The following IL19 variants were observed in gnomAD, a reference collection of about 807,000 sequenced individuals.
IL19 encodes interleukin 19.
In IL19, 15 loss-of-function variants were observed where a neutral mutation model predicts 19.5. The observed-to-expected ratio is 0.77, with a 90% CI of 0.52 to 1.19. The LOEUF is 1.19. Among genes scored for constraint, IL19 ranks in the 50% most tolerant of loss-of-function variants. IL19 has a pLI of 0.00. For synonymous variants in IL19, 78 were observed against 78.3 expected (o/e 1.00, Z 0.02); for missense variants, 199 against 213.1 (o/e 0.93, Z 0.41).
At chr1:206,812,325 A>C (rs1326157252) in intron 2 of IL19, among the ~76,000 whole-genome samples, 2 of 152,228 alleles carry the variant, frequency 1.3e-5, no homozygotes, top group East Asian at 3.9e-4. Context: ...GTTGGTTTGG[A>C]GTCTTGGTTC....
Position 206,826,645 on chromosome 1 carries a change from A to C in IL19, c.-2-10016A>C, listed in dbSNP as rs930429068. Among the ~76,000 whole-genome samples the C allele has an allele frequency of 2.0e-5, 3 of 152,310 alleles. No individual in the cohort carries two copies. The East Asian group carries it at 5.8e-4, about 29-fold the overall frequency. On this transcript the variant is annotated intron_variant, in intron 2 of 6. Transcript: ENST00000659997. ...CCTCCCCAGGAACTCCCTGGCTCCC[A>C]GTACCCATGGGAGAAGCTCTTTTCA...
intron 1 of IL19, among the ~76,000 whole-genome samples, chr1:206,776,808 G>C (rs1326081533): frequency 1.3e-5 from 2 of 150,764 alleles, no homozygotes; most frequent in South Asian, 2.1e-4. Flanking sequence ...GACAATGATC[G>C]GGACATAAAC....
chr1:206,840,731 A>G (rs1676985238), intron 5 of IL19: 1 of 435,946 alleles, frequency 2.3e-6, no homozygotes, highest in Admixed American at 3.6e-5. Flanking sequence ...GGGATGCAGC[A>G]CTCAGAGTGG....
In IL19 at chr1:206,799,145, G is replaced by T. The variant is rs896262864; in HGVS notation, c.-3+139G>T. On this transcript the variant is annotated intron_variant, in intron 2 of 6. Transcript: ENST00000659997. ...CAGGACTGCCTTTGTCTGTCATAAA[G>T]TTCCTTATTGCCAGACTGCTGGCCA... 7.3e-6 allele frequency: 5 copies of T among 681,704 alleles called. No homozygotes were observed. In the African/African-American group the frequency reaches 9.1e-5, roughly 12 times the overall value. The allele number at this position is 681,704 out of a possible 1,614,324, so 42.2% of individuals were successfully genotyped here.
chr1:206,803,198 T>G (rs1403012725), intron 2 of IL19, among the ~76,000 whole-genome samples: 1 of 152,192 alleles, frequency 6.6e-6, no homozygotes, highest in Non-Finnish European at 1.5e-5. Flanking sequence ...GGGCCTTGGC[T>G]TCTGTAATGC....
chr1:206,792,658 T>C (rs551922976), intron 1 of IL19, among the ~76,000 whole-genome samples: 187 of 152,308 alleles, frequency 1.2e-3, no homozygotes, highest in Non-Finnish European at 2.0e-3. Context: ...GGTTTCACCA[T>C]GTTGGCCAGG....
chr1:206,798,786 G>A lies in IL19; in HGVS notation c.-148-75G>A, dbSNP rs115311781. ...AGGTTGCCGTGTGTGCACTTTTGCC[G>A]ACCTCAAAGCCACCAGAAGGAGGGA... On this transcript the variant is annotated intron_variant, in intron 1 of 6. Coordinates refer to ENST00000659997, the MANE Select transcript of IL19 (RefSeq NM_153758.5). 6.2e-4 allele frequency: 472 copies of A among 762,736 alleles called. 1 individual carries two copies. Among genetic ancestry groups the A allele is most frequent in the African/African-American group, 6.0e-3 (347 of 57,390 alleles). The allele number at this position is 762,736 out of a possible 1,614,324, so 47.2% of individuals were successfully genotyped here. A position where few individuals can be genotyped will look rare whatever the true frequency, so the allele number is the denominator to read the frequency against.
Position 206,835,137 on chromosome 1 carries a change from C to A in IL19, c.-2-1524C>A, listed in dbSNP as rs183408928. Among the ~76,000 whole-genome samples, 6 of 152,306 alleles carry A rather than the reference C, an allele frequency of 3.9e-5. No homozygotes were observed. In the East Asian group the frequency reaches 1.2e-3, roughly 29 times the overall value. On this transcript the variant is annotated intron_variant, in intron 2 of 6. Transcript: ENST00000659997. ...AGACATCTTTCTCCTCCACAAAATG[C>A]GCAAGTCTCCTGGCATGGGATGAGC...
At chr1:206,821,626 T>C (rs1371377232) in intron 2 of IL19, among the ~76,000 whole-genome samples, 1 of 152,234 alleles carries the variant, frequency 6.6e-6, no homozygotes, top group Non-Finnish European at 1.5e-5. Flanking sequence ...GCTCAGTCCC[T>C]GCTCTAGCAC....
chr1:206,809,909 A>G (rs376568191), intron 2 of IL19, among the ~76,000 whole-genome samples: 3 of 152,356 alleles, frequency 2.0e-5, no homozygotes, highest in South Asian at 4.1e-4. Flanking sequence ...GGAATCAACC[A>G]TCCCAACCAC....
intron 2 of IL19, among the ~76,000 whole-genome samples, chr1:206,803,741 G>T (rs1055013326): frequency 2.6e-5 from 4 of 152,176 alleles, no homozygotes; most frequent in Admixed American, 1.3e-4. Context: ...CAGGAATGGG[G>T]TGACCTAGTC....
At chr1:206,839,825 G>A (rs1485369410) in intron 4 of IL19, 25 bp from the exon 5 acceptor site, 2 of 1,593,784 alleles carry the variant, frequency 1.3e-6, no homozygotes, top group South Asian at 1.1e-5. Flanking sequence ...GAGGCCTCTA[G>A]TGTTTCCCTA....
At chr1:206,791,763 TC>T (rs2102454799) in intron 1 of IL19, among the ~76,000 whole-genome samples, 1 of 152,208 alleles carries the variant, frequency 6.6e-6, no homozygotes, top group East Asian at 1.9e-4. Flanking sequence ...TCCTTTCTCC[TC>T]CCCCTGTAAA....
intron 1 of IL19, among the ~76,000 whole-genome samples, chr1:206,794,797 T>G (rs1376989744): frequency 6.6e-6 from 1 of 152,208 alleles, no homozygotes; most frequent in Non-Finnish European, 1.5e-5. Flanking sequence ...TTTTGTGACC[T>G]GTACCAAGCC....
intron 1 of IL19, among the ~76,000 whole-genome samples, chr1:206,792,747 G>A (rs1558609319): frequency 6.6e-6 from 1 of 151,884 alleles, no homozygotes; most frequent in Non-Finnish European, 1.5e-5. Context: ...GAGCCACTAT[G>A]CCTGGCTAGA....
At chr1:206,837,266 AG>A (rs999059854) in intron 4 of IL19, among the ~76,000 whole-genome samples, 16 of 152,114 alleles carry the variant, frequency 1.1e-4, no homozygotes, top group African/African-American at 3.9e-4. Context: ...AGGTGCTCAG[AG>A]GGGACAGGAT....
At chr1:206,840,076 A>T (rs1231777829) in intron 5 of IL19, 74 bp downstream of exon 5, 2 of 1,518,644 alleles carry the variant, frequency 1.3e-6, no homozygotes, top group Non-Finnish European at 1.8e-6. Context: ...GCTGGCCCCC[A>T]TCGGCCTCCT....
intron 1 of IL19, among the ~76,000 whole-genome samples, chr1:206,776,390 T>C (rs181675940): frequency 7.9e-4 from 121 of 152,230 alleles, no homozygotes; most frequent in East Asian, 2.5e-3. Flanking sequence ...TTCATCACTT[T>C]AGCTGCAGAG....
rs1676685066 is a variant in IL19, at chr1:206,833,658, A to G, written c.-2-3003A>G. On this transcript the variant is annotated intron_variant, in intron 2 of 6. Coordinates refer to ENST00000659997, the MANE Select transcript of IL19 (RefSeq NM_153758.5). ...TAGAGAGTCTTCTAGCCCAAGAATAAGGATTTCAGGTCCTGGCTCTGCCAC... is the reference window on the plus strand; with the variant it reads ...TAGAGAGTCTTCTAGCCCAAGAATAGGGATTTCAGGTCCTGGCTCTGCCAC... 5.1e-6 allele frequency: 5 copies of G among 985,336 alleles called. No individual in the cohort carries two copies. In the South Asian group the frequency reaches 1.9e-4, roughly 37 times the overall value. The allele number at this position is 985,336 out of a possible 1,614,324, so 61.0% of individuals were successfully genotyped here.
Sources: allele counts gnomAD v4.1 joint callset (sites outside exome capture counted in the v4.1 genomes callset), GRCh38; gene constraint gnomAD v4.1.1; transcripts MANE v1.5; gene names NCBI Gene and HGNC (gene_info 2026-07-23, HGNC 2026-07-21).